SUPT3H: variants seen among roughly 807,000 people sequenced by gnomAD.
The protein encoded by SUPT3H is transcription initiation protein SPT3 homolog.
SUPT3H carries 44 observed loss-of-function variants against 44.3 expected under a neutral mutation model. The ratio of observed to expected loss-of-function variants is 0.99; its 90% CI spans 0.78 to 1.28. The LOEUF is 1.28. Ranked by LOEUF, SUPT3H falls within the 50% of genes most tolerant of loss-of-function variation. The pLI is 0.00. For synonymous variants in SUPT3H, 124 were observed against 125.6 expected (o/e 0.99, Z 0.09); for missense variants, 380 against 387.1 (o/e 0.98, Z 0.15).
chr6:44,894,602 C>T (rs1201845313), intron 10 of SUPT3H, among the ~76,000 whole-genome samples: 1 of 152,100 alleles, frequency 6.6e-6, no homozygotes, highest in African/African-American at 2.4e-5. Flanking sequence ...GGTACCAGTA[C>T]CATGCTGTTT....
chr6:44,976,344 C>A (rs1237410277), intron 6 of SUPT3H, among the ~76,000 whole-genome samples: 1 of 151,562 alleles, frequency 6.6e-6, no homozygotes, highest in African/African-American at 2.4e-5. Flanking sequence ...GAAATGTCTA[C>A]ACATTTGGAA....
In SUPT3H at chr6:45,052,510, A is replaced by G. The variant is rs113702279; in HGVS notation, c.187-31878T>C. The stretch of plus-strand genomic sequence containing the variant: ...TTGCAAAAAATCCAGTCATACAAAC[A>G]GTAGCATTTTGTATTGACTGCGTTT... On this transcript the variant is annotated intron_variant, in intron 3 of 10. Transcript: ENST00000371459. Among the ~76,000 whole-genome samples, 828 of 152,346 alleles carry G rather than the reference A, an allele frequency of 5.4e-3. 12 individuals carry two copies. Among genetic ancestry groups the G allele is most frequent in the African/African-American group, 0.019 (797 of 41,588 alleles).
intron 3 of SUPT3H, among the ~76,000 whole-genome samples, chr6:45,047,607 A>C (rs562743954): frequency 6.6e-6 from 1 of 152,176 alleles, no homozygotes; most frequent in Admixed American, 6.5e-5. Context: ...GATGGGAGAA[A>C]TAACAGCATG....
intron 2 of SUPT3H, among the ~76,000 whole-genome samples, chr6:45,208,355 G>C (rs1007024315): frequency 6.6e-6 from 1 of 152,196 alleles, no homozygotes; most frequent in Non-Finnish European, 1.5e-5. Flanking sequence ...AGGTGAAGGA[G>C]CAAACAATGA....
chr6:44,907,388 A>T (rs1224101605), intron 10 of SUPT3H, among the ~76,000 whole-genome samples: 2 of 152,174 alleles, frequency 1.3e-5, no homozygotes, highest in Admixed American at 1.3e-4. Context: ...TATAAAATAA[A>T]AGCAGTGGCC....
intron 2 of SUPT3H, among the ~76,000 whole-genome samples, chr6:45,180,743 T>C (rs1294677190): frequency 6.6e-6 from 1 of 152,116 alleles, no homozygotes; most frequent in South Asian, 2.1e-4. Flanking sequence ...ACTTAAATGT[T>C]AGACCTAAAA....
chr6:44,815,442 G>C (rs145543025), intron 11 of SUPT3H, among the ~76,000 whole-genome samples: 1 of 151,966 alleles, frequency 6.6e-6, no homozygotes, highest in African/African-American at 2.4e-5. Flanking sequence ...CTAACTATAG[G>C]CTATCAGTGA....
At chr6:45,271,819 G>A (rs561495894) in intron 2 of SUPT3H, among the ~76,000 whole-genome samples, 30 of 152,278 alleles carry the variant, frequency 2.0e-4, no homozygotes, top group African/African-American at 6.7e-4. Context: ...AAGCAGCTGG[G>A]AGGGAGGCTG....
chr6:45,164,726 G>A (rs1809573825), intron 2 of SUPT3H, among the ~76,000 whole-genome samples: 1 of 152,064 alleles, frequency 6.6e-6, no homozygotes, highest in African/African-American at 2.4e-5. Context: ...GCTATAAATA[G>A]GTATTTCTTT....
Position 44,932,639 on chromosome 6 carries a change from C to CT in SUPT3H, c.912+13dup. ...ATTATAAATATAACTTTTTATAACTCTGTTATTACGTACTGTGAATGGGGA... is the reference window on the plus strand; with the variant it reads ...ATTATAAATATAACTTTTTATAACTCTTGTTATTACGTACTGTGAATGGGGA... On this transcript the variant is annotated intron_variant, in intron 10 of 10. Transcript: ENST00000371459. The CT allele has an allele frequency of 6.4e-7, 1 of 1,563,608 alleles. No individual in the cohort carries two copies. Among genetic ancestry groups the CT allele is most frequent in the Non-Finnish European group, 8.7e-7 (1 of 1,144,742 alleles).
At chr6:44,942,835 G>A (rs942302913) in intron 9 of SUPT3H, among the ~76,000 whole-genome samples, 11 of 152,090 alleles carry the variant, frequency 7.2e-5, no homozygotes, top group Non-Finnish European at 1.6e-4. Flanking sequence ...TGCCACTGAA[G>A]AGGAGTTCAA....
At chr6:44,950,592 C>G (rs569559511) in intron 9 of SUPT3H, among the ~76,000 whole-genome samples, 4 of 152,074 alleles carry the variant, frequency 2.6e-5, no homozygotes, top group Non-Finnish European at 5.9e-5. Flanking sequence ...CACTGCACTC[C>G]AGCCTGGGCA....
At chr6:45,224,933 G>A (rs1766682486) in intron 2 of SUPT3H, among the ~76,000 whole-genome samples, 1 of 151,932 alleles carries the variant, frequency 6.6e-6, no homozygotes. Context: ...ATCATTATGT[G>A]TATTTCTGAA....
At chr6:45,172,718 A>G (rs977628041) in intron 2 of SUPT3H, among the ~76,000 whole-genome samples, 2 of 151,792 alleles carry the variant, frequency 1.3e-5, no homozygotes, top group African/African-American at 4.8e-5. Context: ...CAGCCTCCCA[A>G]GTAGCTGGGA....
At chr6:45,372,564 GTT>G (rs1219158844) in intron 1 of SUPT3H, among the ~76,000 whole-genome samples, 2 of 152,120 alleles carry the variant, frequency 1.3e-5, no homozygotes, top group East Asian at 3.8e-4. Flanking sequence ...TGTTATTTTA[GTT>G]TATAAAGTAT....
chr6:45,054,548 G>T (rs1790816639), intron 3 of SUPT3H, among the ~76,000 whole-genome samples: 1 of 152,110 alleles, frequency 6.6e-6, no homozygotes, highest in South Asian at 2.1e-4. Flanking sequence ...AAATGTGTAT[G>T]CTTTTCCTTT....
chr6:44,827,302 T>G lies in SUPT3H; in HGVS notation c.*2514A>C, dbSNP rs604486. ...TAGGATGTATCCATAATTAGTACAG[T>G]TTTTAAATAAATTTACATCGTTGTC... On this transcript the variant is annotated 3_prime_UTR_variant, in exon 11 of 11. Coordinates refer to ENST00000371459, the MANE Select transcript of SUPT3H (RefSeq NM_003599.4). Among the ~76,000 whole-genome samples the G allele has an allele frequency of 0.02, 3,100 of 152,208 alleles. 42 individuals are homozygous for G. The highest frequency in any genetic ancestry group is 0.033 in the Non-Finnish European group (2,215 of 67,954).
chr6:44,889,948 C>T (rs979559395), intron 10 of SUPT3H, among the ~76,000 whole-genome samples: 1 of 147,820 alleles, frequency 6.8e-6, no homozygotes, highest in African/African-American at 2.5e-5. Context: ...AAAAAGTGGG[C>T]GGACATGAAC....
In SUPT3H at chr6:44,827,597, T is replaced by C. The variant is rs1767907387; in HGVS notation, c.*2219A>G. On this transcript the variant is annotated 3_prime_UTR_variant, in exon 11 of 11. Coordinates refer to ENST00000371459, the MANE Select transcript of SUPT3H (RefSeq NM_003599.4). ...TATGATTATTGAGAAAATAATTTAC[T>C]GAAGTTTTCTTAAACATTCCTTCTG... Among the ~76,000 whole-genome samples, 1 of 152,140 alleles carries C rather than the reference T, an allele frequency of 6.6e-6. No individual in the cohort carries two copies.
Sources: allele counts gnomAD v4.1 joint callset (sites outside exome capture counted in the v4.1 genomes callset), GRCh38; gene constraint gnomAD v4.1.1; transcripts MANE v1.5; gene names NCBI Gene and HGNC (gene_info 2026-07-23, HGNC 2026-07-21).